The following CXCL2 variants were observed in gnomAD, a reference collection of about 807,000 sequenced individuals.
CXCL2 encodes C-X-C motif chemokine ligand 2, also known as C-X-C motif chemokine 2.
A neutral mutation model predicts 11.2 loss-of-function variants in CXCL2; 12 were observed. That is an observed-to-expected ratio of 1.08 (90% confidence interval 0.69 to 1.74). The LOEUF (loss-of-function observed/expected upper bound fraction) is 1.74. Ranked by LOEUF, CXCL2 falls within the 40% of genes most tolerant of loss-of-function variation. CXCL2 has a pLI of 0.00. For missense variants in CXCL2, 120 were observed against 137.8 expected (o/e 0.87, Z 0.65); for synonymous variants, 68 against 61.9 (o/e 1.10, Z -0.47).
Position 74,099,161 on chromosome 4 carries a change from A to G in CXCL2, c.-41T>C, listed in dbSNP as rs1442605938. ...GTTCGAGCGGCTGTGCGAGGAGGAG[A>G]GCTGGCAAGGAGCTGCCTGTGGCCC... is the stretch of plus-strand genomic sequence containing the variant. On this transcript the variant is annotated 5_prime_UTR_variant, in exon 1 of 4. Transcript: ENST00000508487. The G allele has an allele frequency of 2.3e-5, 34 of 1,449,230 alleles. No homozygotes were observed. The highest frequency in any genetic ancestry group is 2.7e-5 in the Non-Finnish European group (30 of 1,104,628). The allele number at this position is 1,449,230 out of a possible 1,614,324, so 89.8% of individuals were successfully genotyped here.
rs201552328 is a variant in CXCL2, at chr4:74,098,820, T to C, written c.203A>G (p.His68Arg). The C allele has an allele frequency of 3.1e-6, 5 of 1,614,044 alleles. No individual in the cohort carries two copies. Among genetic ancestry groups the C allele is most frequent in the Non-Finnish European group, 4.2e-6 (5 of 1,179,978 alleles). Reference protein sequence around the residue: ...QSVKVKSPGPHCAQTEVIATL... With the variant: ...QSVKVKSPGPRCAQTEVIATL... ...TTACATGACTTCGGTTTGGGCGCAG[T>C]GGGGTCCGGGGGACTTCACCTTCAC... The change falls in exon 2 of 4, where the codon CAC (histidine) becomes CGC (arginine). Residue 68 changes from histidine (H) to arginine (R), a missense_variant. His to Arg is a conservative substitution (Grantham distance 29). Transcript: ENST00000508487.
Position 74,099,009 on chromosome 4 carries a change from G to T in CXCL2, c.100+12C>A. 2 of 1,537,938 alleles carry T rather than the reference G, an allele frequency of 1.3e-6. No individual in the cohort carries two copies. The highest frequency in any genetic ancestry group is 8.7e-7 in the Non-Finnish European group (1 of 1,149,060). On this transcript the variant is annotated intron_variant, in intron 1 of 3. Transcript: ENST00000508487. ...GCGTCCGGCCCGGGGACCCCAGGGC[G>T]CCGGGACCCACCTGCTGCGCGCCGG... is the stretch of plus-strand genomic sequence containing the variant.
At chr4:74,097,963 G>C (rs1035983687) in intron 3 of CXCL2, among the ~76,000 whole-genome samples, 192 bp from the exon 4 acceptor site, 2 of 152,184 alleles carry the variant, frequency 1.3e-5, no homozygotes, top group African/African-American at 2.4e-5. Flanking sequence ...GCTCTTTTAG[G>C]AATGGGGGTG....
In CXCL2 at chr4:74,098,916, G is replaced by C. The variant is rs776739890; in HGVS notation, c.107C>G (p.Pro36Arg). 6.2e-7 allele frequency: 1 copy of C among 1,613,810 alleles called. No individual in the cohort carries two copies. The highest frequency in any genetic ancestry group is 8.5e-7 in the Non-Finnish European group (1 of 1,179,918). ...VAASRRAAGA[P>R]LATELRCQCL... Reference sequence around the variant, plus strand: ...CTGGCAGCGCAGTTCAGTGGCCAGGGGCGCTCCTAGGGAAGAAGAGACTCG... The same window carrying C: ...CTGGCAGCGCAGTTCAGTGGCCAGGCGCGCTCCTAGGGAAGAAGAGACTCG... Residue 36 changes from proline to arginine, a missense_variant, in exon 2 of 4, where the codon CCC (proline) becomes CGC (arginine). By Grantham distance (103) the Pro-to-Arg change is moderately radical. Transcript: ENST00000508487.
rs1721355647 is a variant in CXCL2, at chr4:74,099,168, A to G, written c.-48T>C. The G allele has an allele frequency of 2.3e-5, 33 of 1,440,198 alleles. No individual in the cohort carries two copies. Among genetic ancestry groups the G allele is most frequent in the Non-Finnish European group, 2.9e-5 (32 of 1,100,576 alleles). The allele number at this position is 1,440,198 out of a possible 1,614,324, so 89.2% of individuals were successfully genotyped here. A position where few individuals can be genotyped will look rare whatever the true frequency, so the allele number is the denominator to read the frequency against. ...CGGCTGTGCGAGGAGGAGAGCTGGC[A>G]AGGAGCTGCCTGTGGCCCGGGCTCT... On this transcript the variant is annotated 5_prime_UTR_variant, in exon 1 of 4. Coordinates refer to ENST00000508487, the MANE Select transcript of CXCL2 (RefSeq NM_002089.4).
At chr4:74,097,975 C>T (rs773842451) in intron 3 of CXCL2, among the ~76,000 whole-genome samples, 18 of 152,086 alleles carry the variant, frequency 1.2e-4, no homozygotes, top group South Asian at 2.1e-4. Context: ...ATGGGGGTGA[C>T]GTGGGGTGGA....
rs779089045 is a variant in CXCL2 at position 74,098,789 on chromosome 4, C to A, written c.224+10G>T. 2 of 1,613,680 alleles carry A rather than the reference C, an allele frequency of 1.2e-6. No homozygotes were observed. The highest frequency in any genetic ancestry group is 1.7e-6 in the Non-Finnish European group (2 of 1,179,738). ...CAGCAGTGGCAGCGGCAGCGATGGG[C>A]GAGACTTACATGACTTCGGTTTGGG... On this transcript the variant is annotated intron_variant, in intron 2 of 3. Coordinates refer to ENST00000508487, the MANE Select transcript of CXCL2 (RefSeq NM_002089.4).
Position 74,097,524 on chromosome 4 carries a change from G to T in CXCL2, c.*232C>A. ...ATAAATATAATGGGAGAGTGTGCAAGTAGATTCAATCATAACCTTATTTTA... is the reference window on the plus strand; with the variant it reads ...ATAAATATAATGGGAGAGTGTGCAATTAGATTCAATCATAACCTTATTTTA... On this transcript the variant is annotated 3_prime_UTR_variant, in exon 4 of 4. Transcript: ENST00000508487. 3.3e-6 allele frequency: 1 copy of T among 301,142 alleles called. No homozygotes were observed. Among genetic ancestry groups the T allele is most frequent in the Non-Finnish European group, 5.9e-6 (1 of 168,714 alleles). 18.7% of individuals were successfully genotyped at this position (301,142 alleles called of 1,614,324 possible). A position where few individuals can be genotyped will look rare whatever the true frequency, so the allele number is the denominator to read the frequency against.
At position 74,099,109 on chromosome 4, in the gene CXCL2, G is replaced by A; in HGVS notation, c.12C>T (p.Ala4=). The A allele has an allele frequency of 2.0e-6, 3 of 1,496,020 alleles. No homozygotes were observed. Among genetic ancestry groups the A allele is most frequent in the Non-Finnish European group, 2.7e-6 (3 of 1,124,678 alleles). The allele number at this position is 1,496,020 out of a possible 1,614,324, so 92.7% of individuals were successfully genotyped here. Residue 4 remains alanine (A), a synonymous_variant, in exon 1 of 4, where the codon GCC becomes GCT. Transcript: ENST00000508487. ...GATTGCTGGGGGCGGCGGAGAGCGT[G>A]GCGCGGGCCATGGGGCTCAGCAGGC... MAR[A]TLSAAPSNPR...
chr4:74,098,169 G>A (rs1721321432), intron 3 of CXCL2, among the ~76,000 whole-genome samples: 1 of 152,186 alleles, frequency 6.6e-6, no homozygotes, highest in Non-Finnish European at 1.5e-5. Flanking sequence ...ATAGGTGGTG[G>A]CAACCAGTTA....
chr4:74,098,529 T>G, intron 3 of CXCL2, 72 bp downstream of exon 3: 2 of 1,499,856 alleles, frequency 1.3e-6, no homozygotes, highest in African/African-American at 1.4e-5. Flanking sequence ...CTGATTTACT[T>G]TTTAGGGGGC....
In CXCL2 at chr4:74,098,949, A is replaced by G. The variant is rs1465678546; in HGVS notation, c.101-27T>C. ...TAGGGAAGAAGAGACTCGCTGATTG[A>G]GCGGGGCTGTCGGCGCGGGGCGCCC... On this transcript the variant is annotated intron_variant, in intron 1 of 3. Transcript: ENST00000508487. 2.5e-6 allele frequency: 4 copies of G among 1,603,622 alleles called. No homozygotes were observed. In the Admixed American group the frequency reaches 5.1e-5, roughly 21 times the overall value.
At chr4:74,098,737 T>C in intron 2 of CXCL2, 53 bp from the exon 3 acceptor site, 5 of 1,613,436 alleles carry the variant, frequency 3.1e-6, no homozygotes, top group South Asian at 2.2e-5. Flanking sequence ...AGGACAGGGT[T>C]TGGGGCAGCG....
chr4:74,097,715 C>G lies in CXCL2; in HGVS notation c.*41G>C, dbSNP rs778748849. Reference sequence around the variant, plus strand: ...TCTGTTCCTGTAAGGGCAGGGCCTCCTTCAGGAACAGCCACCAATAAGCTT... The same window carrying G: ...TCTGTTCCTGTAAGGGCAGGGCCTCGTTCAGGAACAGCCACCAATAAGCTT... On this transcript the variant is annotated 3_prime_UTR_variant, in exon 4 of 4. Coordinates refer to ENST00000508487, the MANE Select transcript of CXCL2 (RefSeq NM_002089.4). 6.3e-7 allele frequency: 1 copy of G among 1,586,868 alleles called. No individual in the cohort carries two copies. Among genetic ancestry groups the G allele is most frequent in the Non-Finnish European group, 8.6e-7 (1 of 1,165,138 alleles).
chr4:74,098,423 G>A, intron 3 of CXCL2, 178 bp downstream of exon 3: 1 of 662,586 alleles, frequency 1.5e-6, no homozygotes, highest in South Asian at 2.1e-5. Flanking sequence ...CCTGGGCACT[G>A]GGAATATCCT....
In CXCL2 at chr4:74,099,037, G is replaced by A. The variant is rs1239905573; in HGVS notation, c.84C>T (p.Ala28=). ...VALLLLLLVA[A]SRRAAGAPLA... ...GGGACCCACCTGCTGCGCGCCGGCT[G>A]GCGGCCACCAGGAGCAGGAGCAGCA... Residue 28 remains alanine, a synonymous_variant, in exon 1 of 4, where the codon GCC becomes GCT. Coordinates refer to ENST00000508487, the MANE Select transcript of CXCL2 (RefSeq NM_002089.4). 19 of 1,475,068 alleles carry A rather than the reference G, an allele frequency of 1.3e-5. No individual in the cohort carries two copies. The highest frequency in any genetic ancestry group is 2.1e-4 in the Middle Eastern group (1 of 4,654). 91.4% of individuals were successfully genotyped at this position (1,475,068 alleles called of 1,614,324 possible).
rs751478943 is a variant in CXCL2, at chr4:74,098,831, G to T, written c.192C>A (p.Ser64=). Residue 64 remains serine (S), a synonymous_variant, in exon 2 of 4, where the codon TCC becomes TCA. Transcript: ENST00000508487. ...CGGTTTGGGCGCAGTGGGGTCCGGG[G>T]GACTTCACCTTCACACTTTGGATGT... ...LKNIQSVKVK[S]PGPHCAQTEV... 1 of 1,614,152 alleles carries T rather than the reference G, an allele frequency of 6.2e-7. No individual in the cohort carries two copies.
intron 3 of CXCL2, among the ~76,000 whole-genome samples, 182 bp from the exon 4 acceptor site, chr4:74,097,953 G>A (rs970282440): frequency 6.6e-6 from 1 of 152,224 alleles, no homozygotes; most frequent in Non-Finnish European, 1.5e-5. Context: ...GGCTTGGGAT[G>A]CTCTTTTAGG....
rs970735588 is a variant in CXCL2 at position 74,097,652 on chromosome 4, A to G, written c.*104T>C. ...GTGATGCTCAAACACATTAGGCGCA[A>G]TCCAGGTGGCCTCTGCAGCTGTGTC... On this transcript the variant is annotated 3_prime_UTR_variant, in exon 4 of 4. Transcript: ENST00000508487. 38 of 1,150,858 alleles carry G rather than the reference A, an allele frequency of 3.3e-5. No homozygotes were observed. Among genetic ancestry groups the G allele is most frequent in the Non-Finnish European group, 4.3e-5 (37 of 851,462 alleles). The allele number at this position is 1,150,858 out of a possible 1,614,324, so 71.3% of individuals were successfully genotyped here. A position where few individuals can be genotyped will look rare whatever the true frequency, so the allele number is the denominator to read the frequency against.
Sources: allele counts gnomAD v4.1 joint callset (sites outside exome capture counted in the v4.1 genomes callset), GRCh38; gene constraint gnomAD v4.1.1; transcripts MANE v1.5; gene names NCBI Gene and HGNC (gene_info 2026-07-23, HGNC 2026-07-21).